Variants in PSMF1 observed in about 807,000 individuals in gnomAD.
PSMF1 encodes the protein proteasome inhibitor PI31 subunit.
PSMF1 carries 30 observed loss-of-function variants against 29.3 expected under a neutral mutation model. The observed-to-expected ratio is 1.02, with a 90% CI of 0.77 to 1.39. PSMF1 has a LOEUF of 1.39. PSMF1 is among the 40% of genes most tolerant of loss of function. The pLI, the probability that PSMF1 is intolerant of heterozygous loss-of-function variation, is 0.00. For missense variants in PSMF1, 344 were observed against 357.5 expected, an observed-to-expected ratio of 0.96 and a Z score of 0.31; for synonymous variants, 134 against 139.7, an observed-to-expected ratio of 0.96 and a Z score of 0.29.
intron 4 of PSMF1, among the ~76,000 whole-genome samples, chr20:1,138,840 A>G (rs926082396): frequency 6.6e-6 from 1 of 151,358 alleles, no homozygotes; most frequent in Non-Finnish European, 1.5e-5. Flanking sequence ...CAAACAAAAA[A>G]AAACAAAACC....
chr20:1,141,711 A>T (rs2086382948), intron 4 of PSMF1, among the ~76,000 whole-genome samples: 1 of 152,232 alleles, frequency 6.6e-6, no homozygotes, highest in Admixed American at 6.5e-5. Context: ...TCATACAGAT[A>T]AGGAAGGAAG....
rs958736092 is a variant in PSMF1, at chr20:1,134,885, CAAG to C, written c.366-235_366-233del. On this transcript the variant is annotated intron_variant, in intron 3 of 6. Coordinates refer to ENST00000335877, the MANE Select transcript of PSMF1 (RefSeq NM_006814.5). ...CACCTCTTTCTAATGGGGTGGTAAACAAGGAGGGGCAACTCAGATGCCTAAGAA... is the reference window on the plus strand; with the variant it reads ...CACCTCTTTCTAATGGGGTGGTAAACGAGGGGCAACTCAGATGCCTAAGAA... 5 of 600,278 alleles carry C rather than the reference CAAG, an allele frequency of 8.3e-6. No homozygotes were observed. In the African/African-American group the frequency reaches 9.2e-5, roughly 11 times the overall value. The allele number at this position is 600,278 out of a possible 1,614,324, so 37.2% of individuals were successfully genotyped here.
At chr20:1,130,464 C>T (rs916987448) in intron 3 of PSMF1, among the ~76,000 whole-genome samples, 3 of 152,178 alleles carry the variant, frequency 2.0e-5, no homozygotes, top group Non-Finnish European at 4.4e-5. Flanking sequence ...TGTGCTTCAG[C>T]CACAGTGTCA....
At chr20:1,122,245 C>A (rs1431998720) in intron 1 of PSMF1, among the ~76,000 whole-genome samples, 1 of 151,830 alleles carries the variant, frequency 6.6e-6, no homozygotes, top group East Asian at 1.9e-4. Context: ...TTGGGCAGCT[C>A]TCTGACCATC....
At chr20:1,145,393 T>C (rs2086437234) in intron 4 of PSMF1, among the ~76,000 whole-genome samples, 2 of 151,990 alleles carry the variant, frequency 1.3e-5, no homozygotes, top group South Asian at 4.2e-4. Flanking sequence ...TGGGAGCACA[T>C]AGGAAAAGGA....
At position 1,127,503 on chromosome 20, in the gene PSMF1, C is replaced by A; in HGVS notation, c.360C>A (p.Phe120Leu). The A allele has an allele frequency of 6.3e-7, 1 of 1,588,168 alleles. No homozygotes were observed. Among genetic ancestry groups the A allele is most frequent in the East Asian group, 2.2e-5 (1 of 44,796 alleles). ...TCGATGCAGAACACCTGGGTGACTT[C>A]CACAGGTACTTCTAAATGATGTCTC... is the stretch of plus-strand genomic sequence containing the variant. ...DYIDAEHLGD[F>L]HRTYKNSEEL... The change falls in exon 3 of 7, where the codon TTC (phenylalanine) becomes TTA (leucine). Residue 120 changes from phenylalanine (F) to leucine (L), a missense_variant. Phe to Leu is a conservative substitution (Grantham distance 22). Coordinates refer to ENST00000335877, the MANE Select transcript of PSMF1 (RefSeq NM_006814.5).
intron 4 of PSMF1, among the ~76,000 whole-genome samples, chr20:1,144,960 A>G (rs1431870558): frequency 6.6e-6 from 1 of 152,026 alleles, no homozygotes; most frequent in South Asian, 2.1e-4. Context: ...ATCTCGGCTC[A>G]CTGCAGCCTC....
At position 1,166,482 on chromosome 20, in the gene PSMF1, C is replaced by T. The variant is rs2086731722; in HGVS notation, c.*1402C>T. On this transcript the variant is annotated 3_prime_UTR_variant, in exon 7 of 7. Transcript: ENST00000335877. ...TATCTGCCAGGCTGTTTTCTGTAGC[C>T]TCAGATTGCCTATCTGCTTAGCCTG... 1.7e-6 allele frequency: 1 copy of T among 581,028 alleles called. No individual in the cohort carries two copies. Among genetic ancestry groups the T allele is most frequent in the Admixed American group, 2.9e-5 (1 of 34,544 alleles). The allele number at this position is 581,028 out of a possible 1,614,324, so 36.0% of individuals were successfully genotyped here. A position where few individuals can be genotyped will look rare whatever the true frequency, so the allele number is the denominator to read the frequency against.
intron 3 of PSMF1, chr20:1,134,898 C>A: frequency 1.6e-6 from 1 of 637,152 alleles, no homozygotes; most frequent in Non-Finnish European, 2.9e-6. Context: ...GGAGGGGCAA[C>A]TCAGATGCCT....
At chr20:1,147,834 C>T (rs2086474217) in intron 4 of PSMF1, among the ~76,000 whole-genome samples, 1 of 152,170 alleles carries the variant, frequency 6.6e-6, no homozygotes, top group Non-Finnish European at 1.5e-5. Flanking sequence ...CCACCTTTTC[C>T]TTTCTCCCTG....
intron 4 of PSMF1, 34 bp downstream of exon 4, chr20:1,135,340 T>A (rs1222167137): frequency 6.4e-7 from 1 of 1,567,320 alleles, no homozygotes; most frequent in East Asian, 2.3e-5. Context: ...AAGCCCATGC[T>A]TCTGTAGAGG....
rs376686849 is a variant in PSMF1 at position 1,147,822 on chromosome 20, T to G, written c.551+12516T>G. On this transcript the variant is annotated intron_variant, in intron 4 of 6. Transcript: ENST00000335877. ...TTGCTCAGCAACCAGGCACTCACAC[T>G]TCCACCTTTTCCTTTCTCCCTGAAA... is the stretch of plus-strand genomic sequence containing the variant. 1.4e-4 allele frequency among the ~76,000 whole-genome samples: 21 copies of G among 152,278 alleles called. 2 individuals are homozygous for G. The highest frequency in any genetic ancestry group is 9.8e-4 in the Admixed American group (15 of 15,296).
intron 1 of PSMF1, among the ~76,000 whole-genome samples, chr20:1,120,355 A>T (rs2086071207): frequency 6.6e-6 from 1 of 152,084 alleles, no homozygotes; most frequent in African/African-American, 2.4e-5. Context: ...TTTCACACAC[A>T]CATACCTGGA....
Position 1,140,491 on chromosome 20 carries a change from G to A in PSMF1, c.551+5185G>A, listed in dbSNP as rs146274546. Among the ~76,000 whole-genome samples the A allele has an allele frequency of 6.8e-4, 103 of 152,278 alleles. 1 individual carries two copies. Among genetic ancestry groups the A allele is most frequent in the African/African-American group, 2.2e-3 (93 of 41,552 alleles). On this transcript the variant is annotated intron_variant, in intron 4 of 6. Transcript: ENST00000335877. ...TTGAACTATAAAATTTCTAGACCTA[G>A]AAATAAGTCTACCTTGGGTAGTCTT...
At chr20:1,159,989 G>C (rs2086646314) in intron 4 of PSMF1, among the ~76,000 whole-genome samples, 1 of 152,142 alleles carries the variant, frequency 6.6e-6, no homozygotes, top group Non-Finnish European at 1.5e-5. Context: ...AGAACTATCA[G>C]GTTTGTATTG....
In PSMF1 at chr20:1,164,586, C is replaced by T. The variant is rs1568484955; in HGVS notation, c.764+110C>T. On this transcript the variant is annotated intron_variant, in intron 6 of 6. Coordinates refer to ENST00000335877, the MANE Select transcript of PSMF1 (RefSeq NM_006814.5). The surrounding 1 kb of genome is among the most constrained non-coding windows in gnomAD (Gnocchi z 4.1). The stretch of plus-strand genomic sequence containing the variant: ...GGCACAGAGCTGCCGCTGCCTTCAC[C>T]TGTTGCTGCCAGGAGAGTGGAGCCT... 21 of 1,431,828 alleles carry T rather than the reference C, an allele frequency of 1.5e-5. No homozygotes were observed. The highest frequency in any genetic ancestry group is 1.8e-5 in the Non-Finnish European group (19 of 1,046,024). The allele number at this position is 1,431,828 out of a possible 1,614,324, so 88.7% of individuals were successfully genotyped here.
At chr20:1,142,347 G>T (rs1204306664) in intron 4 of PSMF1, among the ~76,000 whole-genome samples, 2 of 152,094 alleles carry the variant, frequency 1.3e-5, no homozygotes, top group African/African-American at 4.8e-5. Context: ...GTATACATGT[G>T]CCATGTTGGT....
At chr20:1,131,231 C>T (rs2284372) in intron 3 of PSMF1, among the ~76,000 whole-genome samples, 122,211 of 152,256 alleles carry the variant, frequency 0.8, 49,465 homozygotes, top group Non-Finnish European at 0.83. Flanking sequence ...AGGAATTATA[C>T]TGGCCATTCA....
At position 1,166,940 on chromosome 20, in the gene PSMF1, T is replaced by C. The variant is rs1429519651; in HGVS notation, c.*1860T>C. The C allele has an allele frequency of 3.3e-5, 5 of 152,220 alleles. No homozygotes were observed. Among genetic ancestry groups the C allele is most frequent in the Non-Finnish European group, 7.3e-5 (5 of 68,042 alleles). 9.4% of individuals were successfully genotyped at this position (152,220 alleles called of 1,614,324 possible). The stretch of plus-strand genomic sequence containing the variant: ...AGGTAGATAACTTTTAGGACCTTGA[T>C]GTGAGGAAAAGATAAAATTTAAACA... On this transcript the variant is annotated 3_prime_UTR_variant, in exon 7 of 7. Coordinates refer to ENST00000335877, the MANE Select transcript of PSMF1 (RefSeq NM_006814.5).
Sources: gnomAD v4.1 joint callset for allele counts (sites outside exome capture counted in the v4.1 genomes callset) on GRCh38, gnomAD v4.1.1 for gene constraint, Gnocchi (gnomAD v3.1) non-coding constraint, MANE v1.5 for transcripts, NCBI Gene and HGNC (gene_info 2026-07-23, HGNC 2026-07-21) for gene names.